Variants in UTS2 observed in about 807,000 individuals in gnomAD.
UTS2 encodes the protein urotensin 2.
A neutral mutation model predicts 12.6 loss-of-function variants in UTS2; 10 were observed. The observed-to-expected ratio is 0.80, with a 90% CI of 0.49 to 1.35. The LOEUF is 1.35. Among genes scored for constraint, UTS2 ranks in the 40% most tolerant of loss-of-function variants. The probability of loss-of-function intolerance (pLI) is 0.00; values close to 1 mark genes in which losing one functional copy is unlikely to be tolerated. For synonymous variants in UTS2, 52 were observed against 50.0 expected (o/e 1.04, Z -0.17); for missense variants, 142 against 143.2 (o/e 0.99, Z 0.04).
At chr1:7,868,053 C>T in the UTS2 span, among the ~76,000 whole-genome samples, 1 of 152,110 alleles carries the variant, frequency 6.6e-6, no homozygotes, top group Non-Finnish European at 1.5e-5. Context: ...AAATAGCTCA[C>T]ACCTTCAAAA....
chr1:7,884,596 A>G, the UTS2 span, among the ~76,000 whole-genome samples: 1 of 152,228 alleles, frequency 6.6e-6, no homozygotes, highest in Admixed American at 6.5e-5. Context: ...GGCATGAGCC[A>G]TCACACCCAG....
chr1:7,859,928 G>A, the UTS2 span, among the ~76,000 whole-genome samples: 1 of 152,158 alleles, frequency 6.6e-6, no homozygotes, highest in Admixed American at 6.5e-5. Context: ...GATCCCAGGA[G>A]GCGGAGGCTG....
chr1:7,912,745 C>T, the UTS2 span, among the ~76,000 whole-genome samples: 1 of 152,126 alleles, frequency 6.6e-6, no homozygotes, highest in African/African-American at 2.4e-5. Context: ...GGGGCCCCCA[C>T]AGAGTCCAGA....
At chr1:7,889,459 A>AG in the UTS2 span, among the ~76,000 whole-genome samples, 2 of 147,192 alleles carry the variant, frequency 1.4e-5, no homozygotes, top group African/African-American at 5.1e-5. Context: ...AAAAAAAAAA[A>AG]AAAAGAAAAG....
chr1:7,880,010 A>C, the UTS2 span, among the ~76,000 whole-genome samples: 1 of 152,198 alleles, frequency 6.6e-6, no homozygotes, highest in African/African-American at 2.4e-5. Context: ...TAATCCCAAC[A>C]CTTTGGGAGG....
At chr1:7,849,846 T>C (rs910716828) in intron 2 of UTS2, among the ~76,000 whole-genome samples, 163 bp from the exon 3 acceptor site, 1 of 152,230 alleles carries the variant, frequency 6.6e-6, no homozygotes, top group Non-Finnish European at 1.5e-5. Context: ...CTCCTGTTCT[T>C]ATCTCGAATT....
At chr1:7,856,291 G>A (rs530588432), upstream of UTS2, among the ~76,000 whole-genome samples, 5 of 152,324 alleles carry the variant, frequency 3.3e-5, no homozygotes, top group African/African-American at 9.6e-5. Flanking sequence ...GACTGGAGGC[G>A]ATAGACAACA....
At chr1:7,905,345 A>G in the UTS2 span, among the ~76,000 whole-genome samples, 51 of 151,830 alleles carry the variant, frequency 3.4e-4, 1 homozygote, top group East Asian at 9.7e-3. Context: ...GGGTTTCTCC[A>G]TGTTGGTCAG....
chr1:7,875,188 C>T, the UTS2 span, among the ~76,000 whole-genome samples: 2 of 152,048 alleles, frequency 1.3e-5, no homozygotes, highest in African/African-American at 2.4e-5. Context: ...TATTCTCCTG[C>T]CTCAGCCTCC....
the UTS2 span, among the ~76,000 whole-genome samples, chr1:7,891,536 A>AAAAGAAAGAAAGAAAGAAAGAAAG: frequency 1.5e-3 from 168 of 109,894 alleles, 1 homozygote; most frequent in East Asian, 7.7e-3. Context: ...AGAAAGAAAG[A>AAAAGAAAGAAAGAAAGAAAGAAAG]AAAGAAAGAA....
At chr1:7,884,313 T>TC in the UTS2 span, among the ~76,000 whole-genome samples, 1 of 151,578 alleles carries the variant, frequency 6.6e-6, no homozygotes, top group Non-Finnish European at 1.5e-5. Flanking sequence ...TTTTTTTTTT[T>TC]TTTTTTGAGA....
upstream of UTS2, among the ~76,000 whole-genome samples, chr1:7,857,915 G>GCTCGTGCATGTTTATC (rs1638347557): frequency 6.6e-6 from 1 of 151,184 alleles, no homozygotes; most frequent in African/African-American, 2.4e-5. Context: ...GCATGTTTAT[G>GCTCGTGCATGTTTATC]CTCATGCATG....
chr1:7,892,332 A>G, the UTS2 span, among the ~76,000 whole-genome samples: 2 of 152,104 alleles, frequency 1.3e-5, no homozygotes, highest in Admixed American at 6.6e-5. Flanking sequence ...CCAGGGGAGC[A>G]TCAGTGTTCT....
the UTS2 span, among the ~76,000 whole-genome samples, chr1:7,888,082 A>G: frequency 6.6e-6 from 1 of 152,188 alleles, no homozygotes; most frequent in Non-Finnish European, 1.5e-5. Flanking sequence ...TTCACGTTGA[A>G]CACTTGCTTC....
chr1:7,865,840 G>C, the UTS2 span, among the ~76,000 whole-genome samples: 15 of 152,314 alleles, frequency 9.8e-5, no homozygotes, highest in African/African-American at 3.1e-4. Flanking sequence ...GGAGGCTGAG[G>C]TGGGAGGATC....
chr1:7,848,862 A>G (rs1334348619), intron 3 of UTS2, among the ~76,000 whole-genome samples: 1 of 152,080 alleles, frequency 6.6e-6, no homozygotes, highest in Non-Finnish European at 1.5e-5. Flanking sequence ...GCCTTCCTCC[A>G]TTAGATGTTG....
the UTS2 span, among the ~76,000 whole-genome samples, chr1:7,866,382 C>A: frequency 6.6e-6 from 1 of 152,164 alleles, no homozygotes; most frequent in Non-Finnish European, 1.5e-5. This position sits in a 1 kb window ranked among gnomAD's most constrained non-coding sequence, Gnocchi z 4.5. Flanking sequence ...GCGTGGAGAG[C>A]TATGAAACAG....
chr1:7,893,093 T>G, the UTS2 span, among the ~76,000 whole-genome samples: 2 of 152,226 alleles, frequency 1.3e-5, no homozygotes, highest in Non-Finnish European at 2.9e-5. Context: ...GTGGGCTGAA[T>G]AAAGTGATAA....
At chr1:7,896,724 C>T in the UTS2 span, among the ~76,000 whole-genome samples, 2 of 150,922 alleles carry the variant, frequency 1.3e-5, no homozygotes, top group Non-Finnish European at 2.9e-5. Context: ...AAGACAGAGT[C>T]CCGCTCTGTC....
Sources: allele counts gnomAD v4.1 joint callset (sites outside exome capture counted in the v4.1 genomes callset), GRCh38; gene constraint gnomAD v4.1.1; non-coding constraint Gnocchi (gnomAD v3.1); transcripts MANE v1.5; gene names NCBI Gene and HGNC (gene_info 2026-07-23, HGNC 2026-07-21).